Variants in ATP2B4 observed in about 807,000 individuals in gnomAD.
ATP2B4 encodes the protein plasma membrane calcium-transporting ATPase 4.
ATP2B4 carries 39 observed loss-of-function variants against 110.3 expected under a neutral mutation model. The ratio of observed to expected loss-of-function variants is 0.35; its 90% CI spans 0.27 to 0.46. The LOEUF (loss-of-function observed/expected upper bound fraction) is 0.46, where lower values mean the gene tolerates loss of function less well. Ranked by LOEUF, ATP2B4 falls within the 20% of genes least tolerant of loss-of-function variation. The pLI is 1.00. For synonymous variants in ATP2B4, 538 were observed against 571.7 expected (o/e 0.94, Z 0.84); for missense variants, 1,135 against 1,530.9 (o/e 0.74, Z 4.32).
intron 1 of ATP2B4, among the ~76,000 whole-genome samples, chr1:203,663,455 C>A (rs1192763072): frequency 1.3e-5 from 2 of 152,144 alleles, no homozygotes; most frequent in Non-Finnish European, 2.9e-5. Flanking sequence ...ACACACATCA[C>A]ACATACATTC....
chr1:203,640,874 A>C (rs999307268), intron 1 of ATP2B4, among the ~76,000 whole-genome samples: 1 of 152,210 alleles, frequency 6.6e-6, no homozygotes, highest in African/African-American at 2.4e-5. Context: ...ACTGGTTGAC[A>C]AGAACATGGG....
At chr1:203,682,420 T>A (rs916035466) in intron 1 of ATP2B4, among the ~76,000 whole-genome samples, 3 of 152,178 alleles carry the variant, frequency 2.0e-5, no homozygotes, top group African/African-American at 7.2e-5. Flanking sequence ...ATTAGAGCCA[T>A]CAGAGGTCGT....
At chr1:203,643,562 A>G (rs1175470633) in intron 1 of ATP2B4, among the ~76,000 whole-genome samples, 1 of 152,250 alleles carries the variant, frequency 6.6e-6, no homozygotes, top group Non-Finnish European at 1.5e-5. Flanking sequence ...TGCGTGAACC[A>G]GAACTTGCCT....
intron 1 of ATP2B4, among the ~76,000 whole-genome samples, chr1:203,631,396 C>T (rs1323577519): frequency 6.6e-6 from 1 of 152,206 alleles, no homozygotes; most frequent in Non-Finnish European, 1.5e-5. Context: ...TACTAAGACC[C>T]CCTTCCTCTT....
rs750816064 is a variant in ATP2B4 at position 203,703,702 on chromosome 1, G to A, written c.988G>A (p.Glu330Lys). 1 of 1,614,180 alleles carries A rather than the reference G, an allele frequency of 6.2e-7. No individual in the cohort carries two copies. The highest frequency in any genetic ancestry group is 8.5e-7 in the Non-Finnish European group (1 of 1,180,016). Residue 330 changes from glutamate (E) to lysine (K), a missense_variant, in exon 8 of 21, where the codon GAG becomes AAG. Physicochemically the swap from Glu to Lys is moderately conservative, Grantham distance 56. Transcript: ENST00000357681. ...ALEIQPLNSQ[E>K]GIDNEEKDKK... ...GGAAATCCAGCCACTCAACAGCCAG[G>A]AGGGAATCGACAATGAGGAAAAGGA... is the stretch of plus-strand genomic sequence containing the variant.
rs1665996530 is a variant in ATP2B4, at chr1:203,711,127, A to G, written c.2031+19A>G. ...CCCAGAGGTGAGAGGGTGGGAAGCCACCCAGGAGTCTCAGGAAGTGGGGTA... is the reference window on the plus strand; with the variant it reads ...CCCAGAGGTGAGAGGGTGGGAAGCCGCCCAGGAGTCTCAGGAAGTGGGGTA... On this transcript the variant is annotated intron_variant, in intron 12 of 20. Transcript: ENST00000357681. The G allele has an allele frequency of 6.2e-7, 1 of 1,611,522 alleles. No homozygotes were observed. The highest frequency in any genetic ancestry group is 2.2e-5 in the East Asian group (1 of 44,840).
chr1:203,700,339 C>A lies in ATP2B4; in HGVS notation c.775+8C>A. 1 of 1,606,598 alleles carries A rather than the reference C, an allele frequency of 6.2e-7. No homozygotes were observed. Among genetic ancestry groups the A allele is most frequent in the Non-Finnish European group, 8.5e-7 (1 of 1,176,646 alleles). On this transcript the variant is annotated splice_region_variant and intron_variant, in intron 5 of 20. Transcript: ENST00000357681. Reference sequence around the variant, plus strand: ...ACCCCATGTTGCTCTCAGGTATAGGCCCTGGCTGCCCAAGTTCCCATTTAC... The same window carrying A: ...ACCCCATGTTGCTCTCAGGTATAGGACCTGGCTGCCCAAGTTCCCATTTAC...
chr1:203,730,511 T>C (rs1379272577), intron 20 of ATP2B4, among the ~76,000 whole-genome samples: 1 of 152,166 alleles, frequency 6.6e-6, no homozygotes, highest in Non-Finnish European at 1.5e-5. Context: ...CTTTCCAAAA[T>C]AACCTGTCTT....
Position 203,679,611 on chromosome 1 carries a change from G to A in ATP2B4, c.-464-3131G>A, listed in dbSNP as rs577891113. On this transcript the variant is annotated intron_variant, in intron 1 of 20. Transcript: ENST00000357681. ...AAGTAAGGAAGGAATTCTGCCAGGC[G>A]CAGTAGTTCACGCCTCTAATCCTAG... Among the ~76,000 whole-genome samples the A allele has an allele frequency of 5.9e-5, 9 of 152,204 alleles. No homozygotes were observed. The South Asian group carries it at 1.0e-3, about 18-fold the overall frequency.
Position 203,674,148 on chromosome 1 carries a change from T to G in ATP2B4, c.-464-8594T>G, listed in dbSNP as rs566811489. 3.3e-5 allele frequency among the ~76,000 whole-genome samples: 5 copies of G among 152,282 alleles called. No homozygotes were observed. The South Asian group carries it at 1.0e-3, about 32-fold the overall frequency. On this transcript the variant is annotated intron_variant, in intron 1 of 20. Coordinates refer to ENST00000357681, the MANE Select transcript of ATP2B4 (RefSeq NM_001684.5). ...GCAGCTCTGAGGAGTGAGTAGCAGT[T>G]ATCGTTGCTAACCCTTATCCTGAGT...
intron 1 of ATP2B4, among the ~76,000 whole-genome samples, chr1:203,664,640 A>T (rs925083828): frequency 6.6e-6 from 1 of 152,090 alleles, no homozygotes; most frequent in African/African-American, 2.4e-5. Flanking sequence ...GAGGGGCAGG[A>T]GCCTGGCCCG....
At chr1:203,722,114 T>G (rs1408000456) in intron 17 of ATP2B4, among the ~76,000 whole-genome samples, 1 of 152,036 alleles carries the variant, frequency 6.6e-6, no homozygotes, top group Non-Finnish European at 1.5e-5. Context: ...TGCAGCAAAC[T>G]GAGAGAGAAG....
At position 203,743,292 on chromosome 1, in the gene ATP2B4, T is replaced by A. The variant is rs1558061979; in HGVS notation, c.*3438T>A. The A allele has an allele frequency of 6.5e-6, 1 of 152,678 alleles. No homozygotes were observed. The highest frequency in any genetic ancestry group is 1.5e-5 in the Non-Finnish European group (1 of 68,044). The allele number at this position is 152,678 out of a possible 1,614,324, so 9.5% of individuals were successfully genotyped here. A position where few individuals can be genotyped will look rare whatever the true frequency, so the allele number is the denominator to read the frequency against. Reference sequence around the variant, plus strand: ...AGCAGCCCGTGGTACCATCACAGTATGCAGAGACTTCCTCACCTTTCATAT... The same window carrying A: ...AGCAGCCCGTGGTACCATCACAGTAAGCAGAGACTTCCTCACCTTTCATAT... On this transcript the variant is annotated 3_prime_UTR_variant, in exon 21 of 21. Coordinates refer to ENST00000357681, the MANE Select transcript of ATP2B4 (RefSeq NM_001684.5).
In ATP2B4 at chr1:203,709,357, T is replaced by C. The variant is rs766370238; in HGVS notation, c.1614T>C (p.Ala538=). Residue 538 remains alanine (A), a synonymous_variant, in exon 11 of 21, where the codon GCT becomes GCC. Transcript: ENST00000357681. ...PRQVGNKTEC[A]LLGFVTDLKQ... is the part of the protein sequence containing the mutation. Reference sequence around the variant, plus strand: ...AGGTGGGCAACAAGACCGAGTGTGCTCTGCTAGGCTTTGTCACAGATCTGA... The same window carrying C: ...AGGTGGGCAACAAGACCGAGTGTGCCCTGCTAGGCTTTGTCACAGATCTGA... 18 of 1,614,218 alleles carry C rather than the reference T, an allele frequency of 1.1e-5. No homozygotes were observed. The highest frequency in any genetic ancestry group is 1.6e-4 in the Middle Eastern group (1 of 6,062).
At position 203,710,900 on chromosome 1, in the gene ATP2B4, A is replaced by G; in HGVS notation, c.1823A>G (p.Lys608Arg). 6.2e-7 allele frequency: 1 copy of G among 1,613,878 alleles called. No homozygotes were observed. The highest frequency in any genetic ancestry group is 8.5e-7 in the Non-Finnish European group (1 of 1,179,900). The change falls in exon 12 of 21, where the codon AAA (lysine) becomes AGA (arginine). Residue 608 changes from lysine (K) to arginine (R), a missense_variant. Around this residue, in one of 9 missense-constraint regions of ATP2B4, gnomAD observed 368 missense variants for 455.9 expected, o/e 0.81. Transcript: ENST00000357681. ...LRKCNRILDR[K>R]GEAVPFKNKD... ...AGGTGTAATCGAATCCTGGACCGGA[A>G]AGGGGAAGCAGTGCCATTCAAGAAT... is the stretch of plus-strand genomic sequence containing the variant.
intron 15 of ATP2B4, among the ~76,000 whole-genome samples, chr1:203,717,876 G>A (rs1264907106): frequency 2.0e-5 from 3 of 151,746 alleles, no homozygotes; most frequent in South Asian, 2.1e-4. Flanking sequence ...ACTCCTGACC[G>A]CAAGTGATCC....
intron 1 of ATP2B4, among the ~76,000 whole-genome samples, chr1:203,633,437 G>A (rs936544171): frequency 6.6e-6 from 1 of 152,100 alleles, no homozygotes; most frequent in African/African-American, 2.4e-5. Flanking sequence ...TCTAGAATGG[G>A]TGATAAAGCA....
At chr1:203,714,884 A>G (rs1213608175) in intron 15 of ATP2B4, among the ~76,000 whole-genome samples, 1 of 152,160 alleles carries the variant, frequency 6.6e-6, no homozygotes, top group Non-Finnish European at 1.5e-5. Context: ...TAGCAGTGGA[A>G]GGACATTTAA....
rs1233462919 is a variant in ATP2B4 at position 203,651,252 on chromosome 1, A to G, written c.-465+24033A>G. Among the ~76,000 whole-genome samples the G allele has an allele frequency of 2.0e-5, 3 of 152,062 alleles. No individual in the cohort carries two copies. The East Asian group carries it at 5.8e-4, about 29-fold the overall frequency. ...TTCTCTCTCTCTGTCTCTGTCTTTC[A>G]TTTCTAGTTCTATCTCTTTTGTTTA... On this transcript the variant is annotated intron_variant, in intron 1 of 20. Coordinates refer to ENST00000357681, the MANE Select transcript of ATP2B4 (RefSeq NM_001684.5).
Sources: allele counts gnomAD v4.1 joint callset (sites outside exome capture counted in the v4.1 genomes callset), GRCh38; gene constraint gnomAD v4.1.1; regional missense constraint gnomAD v4.1.1; transcripts MANE v1.5; gene names NCBI Gene and HGNC (gene_info 2026-07-23, HGNC 2026-07-21).